The following KDM4B variants were observed in gnomAD, a reference collection of about 807,000 sequenced individuals.
KDM4B encodes lysine-specific demethylase 4B.
In KDM4B, 32 loss-of-function variants were observed where a neutral mutation model predicts 125.2. That is an observed-to-expected ratio of 0.26 (90% CI 0.19 to 0.34). The LOEUF (loss-of-function observed/expected upper bound fraction) is 0.34, where lower values mean the gene tolerates loss of function less well. Ranked by LOEUF, KDM4B falls within the 10% of genes least tolerant of loss-of-function variation. KDM4B has a pLI of 1.00. For missense variants in KDM4B, 1,190 were observed against 1,577.7 expected (o/e 0.75, Z 4.16); for synonymous variants, 721 against 677.9 (o/e 1.06, Z -0.99).
At chr19:5,138,207 G>C (rs2039683281) in intron 18 of KDM4B, 137 bp downstream of exon 18, 4 of 639,238 alleles carry the variant, frequency 6.3e-6, no homozygotes, top group African/African-American at 5.5e-5. Context: ...CAGCTTTCAG[G>C]AAGCCAGTGA....
At chr19:5,145,776 G>T (rs1452137873) in intron 21 of KDM4B, among the ~76,000 whole-genome samples, 2 of 152,126 alleles carry the variant, frequency 1.3e-5, no homozygotes, top group African/African-American at 4.8e-5. Context: ...CATTTGAGGA[G>T]TGGAAACGAA....
At chr19:5,151,011 C>T (rs1319221161) in intron 22 of KDM4B, among the ~76,000 whole-genome samples, 2 of 152,146 alleles carry the variant, frequency 1.3e-5, no homozygotes, top group South Asian at 2.1e-4. Context: ...GGGCAGAGCC[C>T]GTGGGGGAGG....
At chr19:5,145,168 A>G (rs961885043) in intron 21 of KDM4B, among the ~76,000 whole-genome samples, 4 of 150,984 alleles carry the variant, frequency 2.6e-5, no homozygotes, top group South Asian at 2.1e-4. Context: ...TTTTCTTAAC[A>G]TAAGTTCTCC....
chr19:4,974,434 A>G (rs376004837), intron 1 of KDM4B, among the ~76,000 whole-genome samples: 2 of 151,364 alleles, frequency 1.3e-5, no homozygotes, highest in African/African-American at 4.9e-5. Context: ...AAGTAAGTAA[A>G]TAAATACATA....
chr19:5,039,841 C>A lies in KDM4B; in HGVS notation c.147C>A (p.Ile49=), dbSNP rs2145658690. The change falls in exon 4 of 23, where the codon ATC becomes ATA. Residue 49 remains isoleucine, a synonymous_variant. Transcript: ENST00000159111. ...GAHRAGLAKI[I]PPKEWKPRQT... is the part of the protein sequence containing the mutation. Reference sequence around the variant, plus strand: ...CTCCCATCTTGGTCTTGCAGATCATCCCCCCGAAGGAGTGGAAGCCGCGGC... The same window carrying A: ...CTCCCATCTTGGTCTTGCAGATCATACCCCCGAAGGAGTGGAAGCCGCGGC... The A allele has an allele frequency of 1.9e-6, 3 of 1,611,620 alleles. No individual in the cohort carries two copies. The South Asian group carries it at 3.3e-5, about 18-fold the overall frequency.
intron 5 of KDM4B, among the ~76,000 whole-genome samples, chr19:5,043,097 C>G (rs1476416284): frequency 6.6e-6 from 1 of 151,474 alleles, no homozygotes; most frequent in Non-Finnish European, 1.5e-5. Flanking sequence ...CGGGGGTGTC[C>G]CCCTTATCCC....
intron 18 of KDM4B, among the ~76,000 whole-genome samples, chr19:5,139,523 C>T (rs28626986): frequency 0.19 from 28,620 of 152,178 alleles, 2,749 homozygotes; most frequent in Admixed American, 0.22. Flanking sequence ...TGCGGCTGGA[C>T]GGACTCCCAT....
intron 8 of KDM4B, chr19:5,080,918 A>G (rs2038272240): frequency 6.6e-6 from 1 of 152,212 alleles, no homozygotes; most frequent in Non-Finnish European, 1.5e-5. Context: ...AATCTCAGAA[A>G]CGCACGCCAG....
At chr19:5,091,886 TGTG>T (rs1488567090) in intron 9 of KDM4B, among the ~76,000 whole-genome samples, 1 of 151,224 alleles carries the variant, frequency 6.6e-6, no homozygotes, top group Non-Finnish European at 1.5e-5. Flanking sequence ...TTTATGGCGT[TGTG>T]GGGCTGGACG....
chr19:5,135,426 C>T lies in KDM4B; in HGVS notation c.2173C>T (p.Arg725Ter). 6.2e-7 allele frequency: 1 copy of T among 1,613,652 alleles called. No individual in the cohort carries two copies. The highest frequency in any genetic ancestry group is 8.5e-7 in the Non-Finnish European group (1 of 1,179,980). ...TLPSKSRQKT[R>*]PLIPEMCFTS... ...ACCCTCCAAAAGCCGTCAGAAGACCCGACCGCTCATCCCTGAGATGTGCTT... is the reference window on the plus strand; with the variant it reads ...ACCCTCCAAAAGCCGTCAGAAGACCTGACCGCTCATCCCTGAGATGTGCTT... Residue 725 changes from arginine to a stop codon, truncating the protein, a stop_gained, in exon 15 of 23, where the codon CGA becomes TGA. Transcript: ENST00000159111. LOFTEE classifies it high-confidence loss of function.
intron 18 of KDM4B, chr19:5,138,396 C>T (rs1436380648): frequency 3.3e-5 from 11 of 328,628 alleles, no homozygotes; most frequent in East Asian, 7.0e-5. Context: ...GCAGAGGCAC[C>T]GCACGTGCCC....
At chr19:5,134,205 G>A in intron 14 of KDM4B, 144 bp downstream of exon 14, 3 of 752,826 alleles carry the variant, frequency 4.0e-6, no homozygotes, top group Non-Finnish European at 6.4e-6. Flanking sequence ...GCTTGTTCCT[G>A]ACAGCCGTAG....
intron 1 of KDM4B, among the ~76,000 whole-genome samples, chr19:4,989,901 C>T (rs58676693): frequency 0.062 from 9,399 of 152,316 alleles, 318 homozygotes; most frequent in Admixed American, 0.092. Context: ...GATCCACTCG[C>T]CTCGGCCTCT....
intron 9 of KDM4B, among the ~76,000 whole-genome samples, chr19:5,090,006 C>T (rs1312579671): frequency 6.6e-6 from 1 of 152,074 alleles, no homozygotes; most frequent in East Asian, 1.9e-4. Flanking sequence ...CCATTCTCCA[C>T]AAAAAGGGGG....
chr19:5,136,849 A>G (rs985057721), intron 15 of KDM4B, among the ~76,000 whole-genome samples: 2 of 151,846 alleles, frequency 1.3e-5, no homozygotes, highest in African/African-American at 4.8e-5. Flanking sequence ...CCATTTCCAG[A>G]CCCAGGGCCA....
chr19:5,042,414 C>T (rs1191880001), intron 5 of KDM4B, among the ~76,000 whole-genome samples: 1 of 151,662 alleles, frequency 6.6e-6, no homozygotes, highest in Non-Finnish European at 1.5e-5. Context: ...GCAGGAGAAT[C>T]GCTTGAACCC....
At position 5,082,381 on chromosome 19, in the gene KDM4B, C is replaced by T. The variant is rs769783719; in HGVS notation, c.795C>T (p.Ala265=). 6.5e-5 allele frequency: 105 copies of T among 1,613,552 alleles called. No homozygotes were observed. The highest frequency in any genetic ancestry group is 2.4e-4 in the South Asian group (22 of 91,078). Reference sequence around the variant, plus strand: ...TCCCTCTGCAGATCACGCAGGAGGCCGGGGAATTCATGATCACATTTCCCT... The same window carrying T: ...TCCCTCTGCAGATCACGCAGGAGGCTGGGGAATTCATGATCACATTTCCCT... ...GIPFSRITQE[A]GEFMITFPYG... is the part of the protein sequence containing the mutation. The change falls in exon 9 of 23, where the codon GCC becomes GCT. Residue 265 remains alanine (A), a synonymous_variant. Coordinates refer to ENST00000159111, the MANE Select transcript of KDM4B (RefSeq NM_015015.3). This position sits in a 1 kb window ranked among gnomAD's most constrained non-coding sequence, Gnocchi z 5.4.
chr19:5,135,280 C>A, intron 14 of KDM4B, 59 bp from the exon 15 acceptor site: 1 of 1,252,278 alleles, frequency 8.0e-7, no homozygotes, highest in Non-Finnish European at 1.2e-6. Context: ...AGGTCCGCGC[C>A]GCCCGCCCGC....
intron 5 of KDM4B, among the ~76,000 whole-genome samples, chr19:5,046,537 T>C (rs2037032556): frequency 6.6e-6 from 1 of 152,178 alleles, no homozygotes; most frequent in African/African-American, 2.4e-5. Flanking sequence ...CTCACGTTCA[T>C]GTGTGTCTGG....
Sources: gnomAD v4.1 joint callset for allele counts (sites outside exome capture counted in the v4.1 genomes callset) on GRCh38, gnomAD v4.1.1 for gene constraint, Gnocchi (gnomAD v3.1) non-coding constraint, MANE v1.5 for transcripts, NCBI Gene and HGNC (gene_info 2026-07-23, HGNC 2026-07-21) for gene names.